Variants in C12orf75 observed in about 807,000 individuals in gnomAD.
C12orf75 encodes the protein chromosome 12 open reading frame 75.
C12orf75 carries 4 observed loss-of-function variants against 11.4 expected under a neutral mutation model. The observed-to-expected ratio is 0.35, with a 90% CI of 0.17 to 0.80. The LOEUF is 0.80. Ranked by LOEUF, C12orf75 falls within the 30% of genes least tolerant of loss-of-function variation. The pLI is 0.52. For missense variants in C12orf75, 89 were observed against 80.4 expected (o/e 1.11, Z -0.41); for synonymous variants, 30 against 30.0 (o/e 1.00, Z 0.00).
intron 1 of C12orf75, among the ~76,000 whole-genome samples, chr12:105,341,234 G>A (rs745625884): frequency 6.6e-6 from 1 of 152,070 alleles, no homozygotes; most frequent in Non-Finnish European, 1.5e-5. Context: ...CTTCAAGACT[G>A]TTCAGAACCT....
At chr12:105,350,539 T>C (rs1892699045) in intron 2 of C12orf75, among the ~76,000 whole-genome samples, 1 of 152,216 alleles carries the variant, frequency 6.6e-6, no homozygotes, top group Admixed American at 6.5e-5. Flanking sequence ...ATGTGTGTTA[T>C]CCTTTGTGAG....
chr12:105,339,571 A>T (rs1019031633), intron 1 of C12orf75, among the ~76,000 whole-genome samples: 2 of 152,144 alleles, frequency 1.3e-5, no homozygotes, highest in Admixed American at 1.3e-4. Context: ...TATGGTGGTC[A>T]TAAAAGGTAT....
intron 2 of C12orf75, among the ~76,000 whole-genome samples, chr12:105,354,312 T>C (rs778898528): frequency 1.3e-5 from 2 of 152,358 alleles, no homozygotes; most frequent in African/African-American, 2.4e-5. Flanking sequence ...GGTGATCATC[T>C]TCATCATCAT....
At chr12:105,358,304 TG>T in intron 2 of C12orf75, among the ~76,000 whole-genome samples, 1 of 152,142 alleles carries the variant, frequency 6.6e-6, no homozygotes, top group South Asian at 2.1e-4. Flanking sequence ...TCACTTGAGC[TG>T]AGGAGTTCGA....
intron 1 of C12orf75, among the ~76,000 whole-genome samples, chr12:105,342,272 T>C (rs1892584742): frequency 6.6e-6 from 1 of 152,142 alleles, no homozygotes; most frequent in East Asian, 1.9e-4. Flanking sequence ...ATAAATAAAC[T>C]GGGGGACGAA....
At chr12:105,360,167 T>G (rs1252422826) in intron 2 of C12orf75, among the ~76,000 whole-genome samples, 1 of 152,222 alleles carries the variant, frequency 6.6e-6, no homozygotes, top group Non-Finnish European at 1.5e-5. Context: ...TATCACTGGC[T>G]GCTATTCTCA....
At chr12:105,366,727 C>G in intron 4 of C12orf75, 31 bp downstream of exon 4, 1 of 1,181,318 alleles carries the variant, frequency 8.5e-7, no homozygotes, top group Non-Finnish European at 1.2e-6. Flanking sequence ...TTGATTTTCC[C>G]TAATTATTTA....
At chr12:105,365,071 A>C (rs1357260886) in intron 2 of C12orf75, among the ~76,000 whole-genome samples, 1 of 151,902 alleles carries the variant, frequency 6.6e-6, no homozygotes, top group Non-Finnish European at 1.5e-5. Context: ...TCCTGACCTC[A>C]GGTGATCCGC....
At chr12:105,333,528 A>G (rs1892463086) in intron 1 of C12orf75, among the ~76,000 whole-genome samples, 2 of 152,192 alleles carry the variant, frequency 1.3e-5, no homozygotes, top group Admixed American at 1.3e-4. Context: ...CTTTTCAGAA[A>G]AAAAAAATGT....
At chr12:105,357,280 T>G (rs968420370) in intron 2 of C12orf75, among the ~76,000 whole-genome samples, 3 of 152,234 alleles carry the variant, frequency 2.0e-5, no homozygotes, top group Non-Finnish European at 4.4e-5. Flanking sequence ...GAAGTGGAAT[T>G]AATAGAAACT....
intron 2 of C12orf75, 128 bp from the exon 3 acceptor site, chr12:105,365,678 AC>A: frequency 1.4e-6 from 1 of 698,652 alleles, no homozygotes; most frequent in South Asian, 1.6e-5. Flanking sequence ...TTGCTCCTCT[AC>A]TTAAGTCTGA....
At chr12:105,361,491 T>C (rs1208191977) in intron 2 of C12orf75, among the ~76,000 whole-genome samples, 2 of 152,164 alleles carry the variant, frequency 1.3e-5, no homozygotes, top group African/African-American at 2.4e-5. Flanking sequence ...CAGCCACTTC[T>C]CTTACCAAAA....
chr12:105,337,398 GA>G (rs1335427701), intron 1 of C12orf75, among the ~76,000 whole-genome samples: 15 of 152,290 alleles, frequency 9.8e-5, no homozygotes, highest in African/African-American at 3.6e-4. Context: ...GCCAAGTGAG[GA>G]GAGCAGAGAG....
At chr12:105,335,638 A>G (rs956189439) in intron 1 of C12orf75, among the ~76,000 whole-genome samples, 1 of 151,770 alleles carries the variant, frequency 6.6e-6, no homozygotes, top group Non-Finnish European at 1.5e-5. Flanking sequence ...CTGTATCCTC[A>G]GCCTCTAGAC....
chr12:105,334,450 T>TG (rs1892475522), intron 1 of C12orf75, among the ~76,000 whole-genome samples: 1 of 152,228 alleles, frequency 6.6e-6, no homozygotes, highest in South Asian at 2.1e-4. Context: ...GGAGTTGAGC[T>TG]GGGGGTCTAG....
In C12orf75 at chr12:105,330,879, G is replaced by A. The variant is rs1165655365; in HGVS notation, c.-13G>A. ...GAGAGCTCCGGAGCGCGGCTTCCCC[G>A]GCCGGCTGCGCGATGGGCTGCGGGA... On this transcript the variant is annotated 5_prime_UTR_variant, in exon 1 of 6. Coordinates refer to ENST00000443585, the MANE Select transcript of C12orf75 (RefSeq NM_001145199.2). The A allele has an allele frequency of 8.0e-7, 1 of 1,254,132 alleles. No homozygotes were observed. 77.7% of individuals were successfully genotyped at this position (1,254,132 alleles called of 1,614,324 possible).
chr12:105,361,269 G>T (rs1323694918), intron 2 of C12orf75, among the ~76,000 whole-genome samples: 3 of 152,066 alleles, frequency 2.0e-5, no homozygotes, highest in Non-Finnish European at 4.4e-5. Flanking sequence ...TATTAAGGCA[G>T]GTAAAATCTT....
chr12:105,330,790 C>T lies in C12orf75; in HGVS notation c.-102C>T, dbSNP rs986565693. On this transcript the variant is annotated 5_prime_UTR_variant, in exon 1 of 6. Transcript: ENST00000443585. ...CTCGGTTCCTGGCCCCTCGCGGCCC[C>T]GTCAGCCTCCCGCTCGGGGTGCGCC... The T allele has an allele frequency of 7.8e-6, 9 of 1,158,358 alleles. No homozygotes were observed. In the Admixed American group the frequency reaches 3.6e-4, roughly 46 times the overall value. 71.8% of individuals were successfully genotyped at this position (1,158,358 alleles called of 1,614,324 possible). A position where few individuals can be genotyped will look rare whatever the true frequency, so the allele number is the denominator to read the frequency against.
At chr12:105,334,403 T>C (rs1057236397) in intron 1 of C12orf75, among the ~76,000 whole-genome samples, 8 of 152,240 alleles carry the variant, frequency 5.3e-5, no homozygotes, top group African/African-American at 1.9e-4. Flanking sequence ...CCAGGAGATA[T>C]TGAATGACAC....
Sources: gnomAD v4.1 joint callset for allele counts (sites outside exome capture counted in the v4.1 genomes callset) on GRCh38, gnomAD v4.1.1 for gene constraint, MANE v1.5 for transcripts, NCBI Gene and HGNC (gene_info 2026-07-23, HGNC 2026-07-21) for gene names.